ABR: variants seen among roughly 807,000 people sequenced by gnomAD.
ABR encodes ABR activator of RhoGEF and GTPase, also known as active breakpoint cluster region-related protein.
ABR carries 35 observed loss-of-function variants against 107.2 expected under a neutral mutation model. The ratio of observed to expected loss-of-function variants is 0.33; its 90% CI spans 0.25 to 0.43. The LOEUF (loss-of-function observed/expected upper bound fraction) is 0.43, where lower values mean the gene tolerates loss of function less well. Ranked by LOEUF, ABR falls within the 20% of genes least tolerant of loss-of-function variation. The pLI is 1.00. For synonymous variants in ABR, 498 were observed against 462.0 expected, an observed-to-expected ratio of 1.08 and a Z score of -1.00; for missense variants, 815 against 1,115.2, an observed-to-expected ratio of 0.73 and a Z score of 3.83.
chr17:1,219,037 G>GTTTGT (rs913647093), intron 1 of ABR, among the ~76,000 whole-genome samples: 5 of 142,902 alleles, frequency 3.5e-5, no homozygotes, highest in African/African-American at 1.3e-4. Flanking sequence ...TTTTCTATCT[G>GTTTGT]TTTGTTTGTT....
At position 1,007,173 on chromosome 17, in the gene ABR, TGAC is replaced by T. The variant is rs1208816443; in HGVS notation, c.2479_2481del (p.Val827del). Reference sequence around the variant, plus strand: ...GGGCGGTGCCAGGGTACCTGCGCCATGACGTCATGGGACCAGATGTCCGCAGCC... The same window carrying T: ...GGGCGGTGCCAGGGTACCTGCGCCATGTCATGGGACCAGATGTCCGCAGCC... On this transcript the variant is annotated inframe_deletion, in exon 22 of 23. Coordinates refer to ENST00000302538, the MANE Select transcript of ABR (RefSeq NM_021962.5). The T allele has an allele frequency of 1.2e-6, 2 of 1,613,192 alleles. No individual in the cohort carries two copies. The highest frequency in any genetic ancestry group is 2.7e-5 in the African/African-American group (2 of 74,854).
At chr17:1,045,125 G>A (rs767798154) in intron 16 of ABR, among the ~76,000 whole-genome samples, 1 of 152,224 alleles carries the variant, frequency 6.6e-6, no homozygotes, top group Non-Finnish European at 1.5e-5. Context: ...TGCTTCGGAG[G>A]AGCCGGAGGA....
At chr17:1,177,202 G>A (rs886640033) in intron 1 of ABR, among the ~76,000 whole-genome samples, 3 of 152,316 alleles carry the variant, frequency 2.0e-5, no homozygotes, top group South Asian at 2.1e-4. Flanking sequence ...ATGACAGCTC[G>A]GGTATTTGTT....
chr17:1,013,623 T>C (rs926211004), intron 16 of ABR, among the ~76,000 whole-genome samples: 3 of 152,228 alleles, frequency 2.0e-5, no homozygotes, highest in Non-Finnish European at 4.4e-5. Flanking sequence ...CGTGGAGGTG[T>C]TGAAGAGTCA....
intron 1 of ABR, among the ~76,000 whole-genome samples, chr17:1,173,350 A>C (rs1216388445): frequency 4.2e-5 from 5 of 119,044 alleles, no homozygotes; most frequent in Non-Finnish European, 6.9e-5. Flanking sequence ...ACCTCAGTCC[A>C]CTCAACACAT....
intron 2 of ABR, among the ~76,000 whole-genome samples, chr17:1,113,277 G>GGTTTTTTTTTT (rs1416563541): frequency 2.3e-5 from 2 of 88,172 alleles, no homozygotes; most frequent in African/African-American, 5.1e-5. Context: ...CACCTATTGC[G>GGTTTTTTTTTT]ATTTTTTTTT....
chr17:1,042,145 A>G (rs2030633265), intron 16 of ABR, among the ~76,000 whole-genome samples: 1 of 151,520 alleles, frequency 6.6e-6, no homozygotes, highest in Non-Finnish European at 1.5e-5. Context: ...TTTTGGGTGG[A>G]AACAACCCAA....
chr17:1,084,116 G>A lies in ABR; in HGVS notation c.532-489C>T, dbSNP rs1480917913. On this transcript the variant is annotated intron_variant, in intron 4 of 22. Transcript: ENST00000302538. The surrounding 1 kb of genome is among the most constrained non-coding windows in gnomAD (Gnocchi z 4.2). ...GACATTTAAAGGTGCTGTCTTGGCC[G>A]GGCGTGGCGGCTCACGCCTGTAACC... Among the ~76,000 whole-genome samples the A allele has an allele frequency of 1.3e-5, 2 of 152,194 alleles. No individual in the cohort carries two copies. The highest frequency in any genetic ancestry group is 2.9e-5 in the Non-Finnish European group (2 of 68,028).
chr17:1,184,071 C>T (rs530150909), upstream of ABR, among the ~76,000 whole-genome samples: 4 of 151,602 alleles, frequency 2.6e-5, no homozygotes, highest in East Asian at 5.8e-4. Context: ...ATTAGCCAGG[C>T]GTGGTGCATG....
rs59004026 is a variant in ABR at position 1,100,126 on chromosome 17, T to TA, written c.345+510dup. On this transcript the variant is annotated intron_variant, in intron 3 of 22. Transcript: ENST00000302538. ...GGGTGACAAGAGCAAAGCTCCGTCT[T>TA]AAAAAAAAAAAAAAAAAAAAAAAGA... is the stretch of plus-strand genomic sequence containing the variant. Among the ~76,000 whole-genome samples the TA allele has an allele frequency of 2.4e-3, 261 of 110,160 alleles. 1 individual carries two copies. The highest frequency in any genetic ancestry group is 5.7e-3 in the East Asian group (21 of 3,698). 72.3% of individuals were successfully genotyped at this position (110,160 alleles called of 152,430 possible).
intron 9 of ABR, among the ~76,000 whole-genome samples, chr17:1,067,933 A>T (rs1048613027): frequency 3.3e-5 from 5 of 152,010 alleles, no homozygotes; most frequent in South Asian, 2.1e-4. Flanking sequence ...ATTATTTTTT[A>T]AATTATTTTT....
chr17:1,144,962 T>C (rs2040469736), intron 1 of ABR, among the ~76,000 whole-genome samples: 1 of 151,886 alleles, frequency 6.6e-6, no homozygotes, highest in Non-Finnish European at 1.5e-5. Flanking sequence ...GAGGTTGCAG[T>C]AGGCCAGATG....
At chr17:1,019,449 G>A (rs2071450707) in intron 16 of ABR, among the ~76,000 whole-genome samples, 1 of 151,520 alleles carries the variant, frequency 6.6e-6, no homozygotes, top group Non-Finnish European at 1.5e-5. Flanking sequence ...CCTGGTGCCT[G>A]CTGCAGGTGT....
At chr17:1,163,168 CTT>C (rs2041372374) in intron 1 of ABR, among the ~76,000 whole-genome samples, 1 of 152,228 alleles carries the variant, frequency 6.6e-6, no homozygotes, top group Admixed American at 6.5e-5. Context: ...TCTTCATAGA[CTT>C]TGTGAAGAAT....
At chr17:1,018,471 G>A (rs1278122326) in intron 16 of ABR, among the ~76,000 whole-genome samples, 1 of 152,172 alleles carries the variant, frequency 6.6e-6, no homozygotes, top group Non-Finnish European at 1.5e-5. Flanking sequence ...CCAATTCCAT[G>A]GCCCCTGGTC....
chr17:1,012,060 C>G, intron 18 of ABR, 75 bp from the exon 19 acceptor site: 1 of 1,599,350 alleles, frequency 6.3e-7, no homozygotes. Flanking sequence ...ACCCAGCACA[C>G]ACACACCCTG....
chr17:1,085,490 T>C (rs2036537668), intron 4 of ABR, among the ~76,000 whole-genome samples: 1 of 152,172 alleles, frequency 6.6e-6, no homozygotes, highest in East Asian at 1.9e-4. Context: ...TAATAACTAA[T>C]AAAGCTGAGA....
chr17:1,029,362 C>T (rs1816988584), intron 16 of ABR, among the ~76,000 whole-genome samples: 1 of 152,098 alleles, frequency 6.6e-6, no homozygotes, highest in Non-Finnish European at 1.5e-5. Flanking sequence ...CCTCCTCTCC[C>T]CCAGAAACCA....
intron 16 of ABR, among the ~76,000 whole-genome samples, chr17:1,016,604 C>A (rs1247722836): frequency 2.0e-5 from 3 of 152,016 alleles, no homozygotes; most frequent in Non-Finnish European, 2.9e-5. Flanking sequence ...GTGTGACCCA[C>A]CATGCCTGGC....
Sources: allele counts gnomAD v4.1 joint callset (sites outside exome capture counted in the v4.1 genomes callset), GRCh38; gene constraint gnomAD v4.1.1; non-coding constraint Gnocchi (gnomAD v3.1); transcripts MANE v1.5; gene names NCBI Gene and HGNC (gene_info 2026-07-23, HGNC 2026-07-21).